PPM1A: variants seen among roughly 807,000 people sequenced by gnomAD.
The protein encoded by PPM1A is protein phosphatase 1A.
PPM1A carries 7 observed loss-of-function variants against 35.0 expected under a neutral mutation model. The observed-to-expected ratio is 0.20, with a 90% CI of 0.11 to 0.38. The LOEUF is 0.38. Ranked by LOEUF, PPM1A falls within the 10% of genes least tolerant of loss-of-function variation. The pLI, the probability that PPM1A is intolerant of heterozygous loss-of-function variation, is 1.00. For missense variants in PPM1A, 239 were observed against 467.8 expected (o/e 0.51, Z 4.51); for synonymous variants, 153 against 167.3 (o/e 0.91, Z 0.66).
chr14:60,285,875 C>G, intron 3 of PPM1A, 134 bp downstream of exon 3: 1 of 1,440,694 alleles, frequency 6.9e-7, no homozygotes, highest in Non-Finnish European at 9.1e-7. Context: ...TGGAAAAGGA[C>G]ATTTCTGTAG....
rs965920091 is a variant in PPM1A, at chr14:60,282,435, T to C, written c.-20-249T>C. Among the ~76,000 whole-genome samples the C allele has an allele frequency of 1.3e-5, 2 of 152,256 alleles. No individual in the cohort carries two copies. The highest frequency in any genetic ancestry group is 2.9e-5 in the Non-Finnish European group (2 of 68,048). On this transcript the variant is annotated intron_variant, in intron 1 of 5. Transcript: ENST00000395076. The surrounding 1 kb of genome is among the most constrained non-coding windows in gnomAD (Gnocchi z 5.1). ...GATGGCCACTGCCAGGTCTCCTTTC[T>C]GCCTTCTCCCCTTTATCCCAATGCT...
At chr14:60,266,411 T>C (rs144727270) in intron 1 of PPM1A, among the ~76,000 whole-genome samples, 2 of 152,186 alleles carry the variant, frequency 1.3e-5, no homozygotes, top group African/African-American at 4.8e-5. Context: ...AATCAGTCTT[T>C]TCTTGTCATC....
chr14:60,245,974 GGA>G, upstream of PPM1A: 1 of 1,577,018 alleles, frequency 6.3e-7, no homozygotes, highest in Non-Finnish European at 8.6e-7. The surrounding 1 kb of genome is among the most constrained non-coding windows in gnomAD (Gnocchi z 4.2). Context: ...GAAAAAGGGA[GGA>G]GAGAGAAGGA....
intron 1 of PPM1A, among the ~76,000 whole-genome samples, chr14:60,255,203 G>A (rs1335998968): frequency 7.9e-6 from 1 of 127,240 alleles, no homozygotes; most frequent in African/African-American, 3.6e-5. Flanking sequence ...ACAGAGTCTC[G>A]CTCTGTCGCC....
rs1299597678 is a variant in PPM1A, at chr14:60,283,582, T to C, written c.834+45T>C. The C allele has an allele frequency of 6.5e-7, 1 of 1,536,114 alleles. No individual in the cohort carries two copies. Among genetic ancestry groups the C allele is most frequent in the Admixed American group, 1.9e-5 (1 of 51,418 alleles). On this transcript the variant is annotated intron_variant, in intron 2 of 5. Coordinates refer to ENST00000395076, the MANE Select transcript of PPM1A (RefSeq NM_021003.5). This position sits in a 1 kb window ranked among gnomAD's most constrained non-coding sequence, Gnocchi z 6.3. ...AAACATAAAATGATTTTATGCCATA[T>C]TAATCACTACTCTAGTATTTAATCA...
rs1441402420 is a variant in PPM1A, at chr14:60,293,999, G to T, written c.*1517G>T. 2 of 151,806 alleles carry T rather than the reference G, an allele frequency of 1.3e-5. No homozygotes were observed. The highest frequency in any genetic ancestry group is 4.8e-5 in the African/African-American group (2 of 41,374). The allele number at this position is 151,806 out of a possible 1,614,324, so 9.4% of individuals were successfully genotyped here. A position where few individuals can be genotyped will look rare whatever the true frequency, so the allele number is the denominator to read the frequency against. ...GTATTTATCACCATGTAATCATTCA[G>T]TAGGCAGATTCCCACTAGAAAACTG... On this transcript the variant is annotated 3_prime_UTR_variant, in exon 6 of 6. Transcript: ENST00000395076. The surrounding 1 kb of genome is among the most constrained non-coding windows in gnomAD (Gnocchi z 4.0).
intron 3 of PPM1A, chr14:60,288,615 A>C (rs1417058443): frequency 1.2e-5 from 11 of 887,408 alleles, no homozygotes; most frequent in Non-Finnish European, 1.5e-5. Context: ...GGCAAAAAAT[A>C]ATAGATGGTA....
intron 2 of PPM1A, among the ~76,000 whole-genome samples, chr14:60,284,574 G>A (rs1415770290): frequency 6.6e-6 from 1 of 150,760 alleles, no homozygotes; most frequent in Non-Finnish European, 1.5e-5. Context: ...CCCGGGAGGC[G>A]GAGCTTGCAG....
chr14:60,284,367 C>T (rs1330786318), intron 2 of PPM1A, among the ~76,000 whole-genome samples: 2 of 152,108 alleles, frequency 1.3e-5, no homozygotes, highest in Non-Finnish European at 1.5e-5. Flanking sequence ...TGTTGCCGGG[C>T]GCGGTGGCTC....
intron 3 of PPM1A, 110 bp downstream of exon 3, chr14:60,285,851 C>T: frequency 1.3e-6 from 2 of 1,490,204 alleles, no homozygotes; most frequent in Non-Finnish European, 8.9e-7. Flanking sequence ...CAGCTAGTGT[C>T]TAGTGTATGA....
chr14:60,245,851 T>G (rs750068325), upstream of PPM1A: 1 of 1,588,784 alleles, frequency 6.3e-7, no homozygotes, highest in East Asian at 2.3e-5. This position sits in a 1 kb window ranked among gnomAD's most constrained non-coding sequence, Gnocchi z 4.2. Flanking sequence ...TGCTCGCATG[T>G]TCTGTTCTGG....
intron 1 of PPM1A, chr14:60,268,446 C>G (rs1178965220): frequency 1.6e-5 from 15 of 949,044 alleles, no homozygotes; most frequent in Non-Finnish European, 1.9e-5. Context: ...GTGAGTATAG[C>G]CTGTTTGGCT....
chr14:60,275,296 A>G (rs1885623986), intron 1 of PPM1A, among the ~76,000 whole-genome samples: 1 of 151,846 alleles, frequency 6.6e-6, no homozygotes, highest in Admixed American at 6.6e-5. Context: ...ATTGGAGTGT[A>G]AGTCCAGAAA....
upstream of PPM1A, among the ~76,000 whole-genome samples, chr14:60,249,003 G>C (rs949262230): frequency 1.4e-4 from 21 of 152,156 alleles, no homozygotes; most frequent in Admixed American, 6.5e-4. This position sits in a 1 kb window ranked among gnomAD's most constrained non-coding sequence, Gnocchi z 4.5. Context: ...GGCAGCAGCA[G>C]CGGCAGAGAA....
In PPM1A at chr14:60,273,821, A is replaced by G. The variant is rs980689657; in HGVS notation, c.-20-8863A>G. Among the ~76,000 whole-genome samples the G allele has an allele frequency of 6.6e-6, 1 of 152,134 alleles. No homozygotes were observed. The highest frequency in any genetic ancestry group is 1.5e-5 in the Non-Finnish European group (1 of 68,030). On this transcript the variant is annotated intron_variant, in intron 1 of 5. Coordinates refer to ENST00000395076, the MANE Select transcript of PPM1A (RefSeq NM_021003.5). This position sits in a 1 kb window ranked among gnomAD's most constrained non-coding sequence, Gnocchi z 4.3. Reference sequence around the variant, plus strand: ...GGAGATGAGGTAGAGAGAGGTATCAAAGATATCCTTAGTTTCTGTTTCTTT... The same window carrying G: ...GGAGATGAGGTAGAGAGAGGTATCAGAGATATCCTTAGTTTCTGTTTCTTT...
chr14:60,272,008 T>G (rs1405874022), intron 1 of PPM1A, among the ~76,000 whole-genome samples: 1 of 152,104 alleles, frequency 6.6e-6, no homozygotes, highest in Non-Finnish European at 1.5e-5. Flanking sequence ...GACCTATAAT[T>G]TTTAACTTTA....
upstream of PPM1A, among the ~76,000 whole-genome samples, chr14:60,246,252 C>G (rs887755887): frequency 2.0e-5 from 3 of 152,082 alleles, no homozygotes; most frequent in Admixed American, 2.0e-4. Flanking sequence ...AATTTGGGAG[C>G]AGGAATGTAA....
chr14:60,267,600 T>C (rs1439323627), intron 1 of PPM1A, among the ~76,000 whole-genome samples: 4 of 152,124 alleles, frequency 2.6e-5, no homozygotes, highest in East Asian at 1.9e-4. Context: ...TTTCCTGTAA[T>C]CTATAGATAA....
intron 1 of PPM1A, among the ~76,000 whole-genome samples, chr14:60,279,492 G>T (rs986801628): frequency 3.3e-5 from 5 of 152,244 alleles, no homozygotes; most frequent in Admixed American, 6.5e-5. Context: ...TGATTAAACT[G>T]ATTTATCACC....
Sources: allele counts gnomAD v4.1 joint callset (sites outside exome capture counted in the v4.1 genomes callset), GRCh38; gene constraint gnomAD v4.1.1; non-coding constraint Gnocchi (gnomAD v3.1); transcripts MANE v1.5; gene names NCBI Gene and HGNC (gene_info 2026-07-23, HGNC 2026-07-21).